Variants in TPRX1 observed in about 807,000 individuals in gnomAD.
The protein encoded by TPRX1 is tetra-peptide repeat homeobox protein 1.
In TPRX1, 2 loss-of-function variants were observed where a neutral mutation model predicts 8.1. That is an observed-to-expected ratio of 0.25 (90% confidence interval 0.10 to 0.78). The LOEUF (loss-of-function observed/expected upper bound fraction) is 0.78. TPRX1 is among the 30% of genes least tolerant of loss of function. TPRX1 has a pLI of 0.70. For missense variants in TPRX1, 517 were observed against 586.9 expected (o/e 0.88, Z 1.23); for synonymous variants, 257 against 254.1 (o/e 1.01, Z -0.11).
At position 47,802,638 on chromosome 19, in the gene TPRX1, C is replaced by G. The variant is rs1271346854; in HGVS notation, c.664G>C (p.Ala222Pro). 1.3e-6 allele frequency: 2 copies of G among 1,549,090 alleles called. No individual in the cohort carries two copies. Among genetic ancestry groups the G allele is most frequent in the Non-Finnish European group, 1.7e-6 (2 of 1,146,540 alleles). The change falls in exon 4 of 4, where the codon GCT becomes CCT. Residue 222 changes from alanine (A) to proline (P), a missense_variant. Physicochemically the swap from Ala to Pro is conservative, Grantham distance 27. Transcript: ENST00000535759. ...GCTGGGATCGGGCTTGGGATCTGAG[C>G]TGGGCCTGGAATTGGGCCTGGAATT...
intron 2 of TPRX1, among the ~76,000 whole-genome samples, chr19:47,813,928 G>A (rs1196099775): frequency 2.7e-5 from 4 of 148,762 alleles, no homozygotes; most frequent in African/African-American, 9.9e-5. Flanking sequence ...CCAGAAGACA[G>A]AGGGGACAGA....
exon 4 of TPRX1, chr19:47,801,629 G>C: frequency 1.0e-6 from 1 of 961,198 alleles, no homozygotes; most frequent in Non-Finnish European, 1.5e-6. Flanking sequence ...AGAGCCACCT[G>C]TGATAGCTGC....
At chr19:47,816,336 G>A (rs1323663711) in intron 2 of TPRX1, among the ~76,000 whole-genome samples, 4 of 152,050 alleles carry the variant, frequency 2.6e-5, no homozygotes, top group Non-Finnish European at 5.9e-5. Flanking sequence ...CCAAAGTGCT[G>A]GGATTACAGG....
chr19:47,818,208 TCAC>T (rs1460990133), intron 2 of TPRX1, among the ~76,000 whole-genome samples: 2 of 149,104 alleles, frequency 1.3e-5, no homozygotes, highest in South Asian at 2.1e-4. Flanking sequence ...CATCCATCCA[TCAC>T]CCATCCATCC....
At chr19:47,816,859 C>T (rs1406359571) in intron 2 of TPRX1, among the ~76,000 whole-genome samples, 1 of 152,220 alleles carries the variant, frequency 6.6e-6, no homozygotes, top group Non-Finnish European at 1.5e-5. Context: ...TTGCATTTCC[C>T]TGATGATCAA....
chr19:47,801,335 T>C (rs1292727435), exon 4 of TPRX1: 1 of 159,058 alleles, frequency 6.3e-6, no homozygotes, highest in Non-Finnish European at 1.4e-5. Flanking sequence ...ATTATGAAGA[T>C]ATCTAAGGTT....
intron 2 of TPRX1, among the ~76,000 whole-genome samples, chr19:47,812,285 G>A (rs943160221): frequency 4.6e-5 from 7 of 152,132 alleles, no homozygotes; most frequent in African/African-American, 1.7e-4. Flanking sequence ...AGTGGGGGAA[G>A]GCAGGCGTTA....
At chr19:47,815,768 C>T (rs1021248155) in intron 2 of TPRX1, among the ~76,000 whole-genome samples, 4 of 150,948 alleles carry the variant, frequency 2.6e-5, no homozygotes, top group Non-Finnish European at 5.9e-5. Context: ...GCCGAGATCA[C>T]GTCACTGCAC....
chr19:47,803,958 G>A lies in TPRX1; in HGVS notation c.152-285C>T, dbSNP rs190431484. ...CTGCTCAACCCTCCCCAGCTGCCCCGTCCCCTCCCATCCAAGGGTTATAGG... is the reference window on the plus strand; with the variant it reads ...CTGCTCAACCCTCCCCAGCTGCCCCATCCCCTCCCATCCAAGGGTTATAGG... On this transcript the variant is annotated intron_variant, in intron 2 of 3. Transcript: ENST00000535759. Among the ~76,000 whole-genome samples, 1,190 of 151,938 alleles carry A rather than the reference G, an allele frequency of 7.8e-3. 15 individuals are homozygous for A. Among genetic ancestry groups the A allele is most frequent in the African/African-American group, 0.026 (1,079 of 41,450 alleles).
exon 4 of TPRX1, chr19:47,802,380 T>C (rs1339253935): frequency 1.1e-5 from 14 of 1,283,022 alleles, no homozygotes; most frequent in African/African-American, 5.0e-5. Flanking sequence ...GGGCCTGAGA[T>C]TGGGCCTGGG....
At position 47,802,469 on chromosome 19, in the gene TPRX1, C is replaced by T; in HGVS notation, c.833G>A (p.Gly278Asp). ...GCCTGGGATCGGGCCTGGGTTTGGG[C>T]CTGGGATCGGGCCTGGGTTTGGGCC... The change falls in exon 4 of 4, where the codon GGC becomes GAC. Residue 278 changes from glycine to aspartate, a missense_variant. By Grantham distance (94) the Gly-to-Asp change is moderately conservative. Coordinates refer to ENST00000535759, the Ensembl canonical transcript of TPRX1. 1.3e-6 allele frequency: 2 copies of T among 1,536,694 alleles called. No individual in the cohort carries two copies. The highest frequency in any genetic ancestry group is 1.2e-5 in the South Asian group (1 of 83,350).
chr19:47,805,859 C>T (rs534438153), intron 2 of TPRX1, among the ~76,000 whole-genome samples: 5 of 152,274 alleles, frequency 3.3e-5, no homozygotes, highest in East Asian at 3.9e-4. Flanking sequence ...AGCAAGTTCA[C>T]GGCAGCATGA....
At chr19:47,809,721 T>G (rs1967765514) in intron 2 of TPRX1, among the ~76,000 whole-genome samples, 1 of 152,126 alleles carries the variant, frequency 6.6e-6, no homozygotes, top group African/African-American at 2.4e-5. Context: ...AAGAAGCATT[T>G]CTGGCCTTGA....
chr19:47,809,325 G>GGCT (rs1220732146), intron 2 of TPRX1, among the ~76,000 whole-genome samples: 1 of 151,558 alleles, frequency 6.6e-6, no homozygotes, highest in African/African-American at 2.4e-5. Flanking sequence ...CTATCACCCA[G>GGCT]GCTGCGTTGC....
At position 47,802,129 on chromosome 19, in the gene TPRX1, TC is replaced by T. The variant is rs755089432; in HGVS notation, c.1172del (p.Arg391GlnfsTer9). The T allele has an allele frequency of 6.3e-7, 1 of 1,584,964 alleles. No homozygotes were observed. Among genetic ancestry groups the T allele is most frequent in the Non-Finnish European group, 8.6e-7 (1 of 1,166,648 alleles). On this transcript the variant is annotated frameshift_variant, in exon 4 of 4. Coordinates refer to ENST00000535759, the Ensembl canonical transcript of TPRX1. LOFTEE classifies it low-confidence loss of function (END_TRUNC). ...CTAGGCCTGGAAGTGAGCCAGGGCT[TC>T]GCATCCGGCCAGGACTTAAGATGGG...
intron 2 of TPRX1, among the ~76,000 whole-genome samples, chr19:47,818,225 C>A (rs543025057): frequency 3.3e-5 from 5 of 151,434 alleles, no homozygotes; most frequent in African/African-American, 1.2e-4. Flanking sequence ...TCCATCCATC[C>A]ATCCATCCAC....
chr19:47,804,509 G>A lies in TPRX1; in HGVS notation c.152-836C>T, dbSNP rs1029025785. Among the ~76,000 whole-genome samples, 4 of 152,150 alleles carry A rather than the reference G, an allele frequency of 2.6e-5. No homozygotes were observed. Among genetic ancestry groups the A allele is most frequent in the African/African-American group, 9.6e-5 (4 of 41,452 alleles). On this transcript the variant is annotated intron_variant, in intron 2 of 3. Transcript: ENST00000535759. ...CCAGACCCCTCACACCTCTGTCCCC[G>A]CTCACCTTGGAGATGACCAGGGTCT...
chr19:47,803,356 A>G, intron 3 of TPRX1, 148 bp downstream of exon 2: 1 of 670,008 alleles, frequency 1.5e-6, no homozygotes, highest in Admixed American at 2.3e-5. Context: ...TTGGAACAGG[A>G]CTCAGGATGC....
chr19:47,802,048 G>T, exon 4 of TPRX1: 6 of 1,606,540 alleles, frequency 3.7e-6, no homozygotes, highest in Non-Finnish European at 3.4e-6. Flanking sequence ...CTGGGCCTGG[G>T]ATTGGAGCTG....
Sources: allele counts gnomAD v4.1 joint callset (sites outside exome capture counted in the v4.1 genomes callset), GRCh38; gene constraint gnomAD v4.1.1; transcripts MANE v1.5; gene names NCBI Gene and HGNC (gene_info 2026-07-23, HGNC 2026-07-21).